Variants in ZC3H12B observed in about 807,000 individuals in gnomAD.
ZC3H12B encodes the protein probable ribonuclease ZC3H12B.
Under a neutral mutation model 43.9 loss-of-function variants are expected in ZC3H12B, and 7 were observed. The observed-to-expected ratio is 0.16, with a 90% CI of 0.09 to 0.30. The LOEUF is 0.30. ZC3H12B is among the 10% of genes least tolerant of loss of function. The pLI is 1.00. For missense variants in ZC3H12B, 475 were observed against 670.2 expected (o/e 0.71, Z 3.22); for synonymous variants, 222 against 241.7 (o/e 0.92, Z 0.76).
At chrX:65,142,156 C>T in the ZC3H12B span, among the ~76,000 whole-genome samples, 1 of 112,184 alleles carries the variant, frequency 8.9e-6, no homozygotes, top group Non-Finnish European at 1.9e-5. Flanking sequence ...CTGTTCACCA[C>T]ATCCATGCCA....
chrX:65,216,074 T>G, the ZC3H12B span, among the ~76,000 whole-genome samples: 1 of 111,008 alleles, frequency 9.0e-6, no homozygotes, highest in Non-Finnish European at 1.9e-5. Flanking sequence ...AGCAGCATGG[T>G]CAAATAAAAT....
the ZC3H12B span, among the ~76,000 whole-genome samples, chrX:65,343,795 A>G: frequency 7.2e-5 from 8 of 111,828 alleles, no homozygotes; most frequent in East Asian, 1.7e-3. Flanking sequence ...CATCACTCCT[A>G]TTCAGCATAG....
the ZC3H12B span, among the ~76,000 whole-genome samples, chrX:65,343,482 A>G: frequency 8.9e-6 from 1 of 112,008 alleles, no homozygotes; most frequent in African/African-American, 3.2e-5. Context: ...ATCTGACACC[A>G]TCAGGAAAGC....
the ZC3H12B span, among the ~76,000 whole-genome samples, chrX:65,197,528 G>A: frequency 3.6e-5 from 4 of 112,072 alleles, no homozygotes; most frequent in African/African-American, 1.3e-4. Context: ...AGTTAATTAA[G>A]GACTAATTAA....
At chrX:65,406,355 C>T (rs2066820822) in intron 3 of ZC3H12B, among the ~76,000 whole-genome samples, 1 of 64,119 alleles carries the variant, frequency 1.6e-5, no homozygotes, top group Non-Finnish European at 2.8e-5. Context: ...GCAAATCAAT[C>T]AATGCGATAC....
the ZC3H12B span, among the ~76,000 whole-genome samples, chrX:65,240,635 G>A: frequency 8.9e-6 from 1 of 112,012 alleles, no homozygotes; most frequent in African/African-American, 3.2e-5. Flanking sequence ...TCATTTGGAG[G>A]AGAAGAGGCA....
the ZC3H12B span, among the ~76,000 whole-genome samples, chrX:65,194,139 G>C: frequency 9.3e-6 from 1 of 107,638 alleles, no homozygotes; most frequent in Non-Finnish European, 1.9e-5. Context: ...ATTACAATTT[G>C]ACATGAGATT....
chrX:65,477,521 G>A (rs752410919), intron 3 of ZC3H12B, among the ~76,000 whole-genome samples: 7 of 111,642 alleles, frequency 6.3e-5, no homozygotes, highest in African/African-American at 1.6e-4. Flanking sequence ...TCAATAGGCC[G>A]GGCACGGTGG....
the ZC3H12B span, among the ~76,000 whole-genome samples, chrX:65,058,677 G>T: frequency 8.9e-6 from 1 of 112,080 alleles, no homozygotes; most frequent in Admixed American, 9.4e-5. Context: ...CACAGAGGTG[G>T]AGTCTACAGA....
chrX:65,213,217 C>G, the ZC3H12B span, among the ~76,000 whole-genome samples: 1 of 109,211 alleles, frequency 9.2e-6, no homozygotes, highest in Admixed American at 1.0e-4. Context: ...ATCAGTGTGC[C>G]CACGAGTATA....
chrX:65,369,359 C>A (rs971802237), intron 2 of ZC3H12B, among the ~76,000 whole-genome samples: 1 of 111,728 alleles, frequency 9.0e-6, no homozygotes, highest in Non-Finnish European at 1.9e-5. Flanking sequence ...TTATCATCTC[C>A]ATTTTACAAA....
At chrX:65,081,018 C>A in the ZC3H12B span, among the ~76,000 whole-genome samples, 2 of 108,987 alleles carry the variant, frequency 1.8e-5, no homozygotes, top group African/African-American at 6.6e-5. Context: ...TATTAATTTT[C>A]TTTCTGCTTT....
chrX:65,392,825 GAA>G (rs1188146465), intron 2 of ZC3H12B, among the ~76,000 whole-genome samples: 3 of 113,098 alleles, frequency 2.7e-5, no homozygotes, highest in African/African-American at 9.6e-5. Flanking sequence ...GTGGGGAAAA[GAA>G]AGAGAGATCG....
At chrX:65,261,885 A>G in the ZC3H12B span, among the ~76,000 whole-genome samples, 1 of 111,202 alleles carries the variant, frequency 9.0e-6, no homozygotes, top group Non-Finnish European at 1.9e-5. Flanking sequence ...TTATCTAAAG[A>G]GAAAAGTGCC....
At chrX:65,442,764 AT>A (rs1008385298) in intron 3 of ZC3H12B, among the ~76,000 whole-genome samples, 1 of 112,139 alleles carries the variant, frequency 8.9e-6, no homozygotes, top group Non-Finnish European at 1.9e-5. Context: ...GCTTGTTTTA[AT>A]TTTTTGAGTA....
chrX:65,416,535 A>C (rs1411262353), intron 3 of ZC3H12B, among the ~76,000 whole-genome samples: 3 of 109,901 alleles, frequency 2.7e-5, no homozygotes, highest in Non-Finnish European at 5.7e-5. Flanking sequence ...TAATCCCAGC[A>C]CTTTGGGAGG....
At chrX:65,463,684 T>C (rs1170973165) in intron 3 of ZC3H12B, among the ~76,000 whole-genome samples, 1 of 111,155 alleles carries the variant, frequency 9.0e-6, no homozygotes, top group Non-Finnish European at 1.9e-5. Flanking sequence ...TACATCACCT[T>C]CTCTTTTGTA....
the ZC3H12B span, among the ~76,000 whole-genome samples, chrX:65,112,524 G>A: frequency 8.9e-6 from 1 of 111,972 alleles, no homozygotes; most frequent in African/African-American, 3.2e-5. Flanking sequence ...TCTCTTGTTA[G>A]GGGCTAATGC....
chrX:65,155,188 A>G, the ZC3H12B span, among the ~76,000 whole-genome samples: 1 of 109,636 alleles, frequency 9.1e-6, no homozygotes, highest in Admixed American at 9.8e-5. Flanking sequence ...GAACTCTTGA[A>G]CTCAAGCCAT....
Sources: allele counts gnomAD v4.1 joint callset (sites outside exome capture counted in the v4.1 genomes callset), GRCh38; gene constraint gnomAD v4.1.1; transcripts MANE v1.5; gene names NCBI Gene and HGNC (gene_info 2026-07-23, HGNC 2026-07-21).